IPO11: variants seen among roughly 807,000 people sequenced by gnomAD.
IPO11 encodes the protein importin-11.
A neutral mutation model predicts 143.2 loss-of-function variants in IPO11; 66 were observed. The ratio of observed to expected loss-of-function variants is 0.46; its 90% CI spans 0.38 to 0.57. The LOEUF is 0.57. Ranked by LOEUF, IPO11 falls within the 20% of genes least tolerant of loss-of-function variation. The pLI is 0.00. For missense variants in IPO11, 1,026 were observed against 1,141.0 expected, an observed-to-expected ratio of 0.90 and a Z score of 1.45; for synonymous variants, 385 against 377.8, an observed-to-expected ratio of 1.02 and a Z score of -0.22.
At chr5:62,580,998 A>T in intron 27 of IPO11, 4 of 1,551,284 alleles carry the variant, frequency 2.6e-6, no homozygotes, top group Non-Finnish European at 2.6e-6. Flanking sequence ...GTACACAAGA[A>T]GTTGAGAAGT....
At chr5:62,589,721 C>G (rs1048906684) in intron 27 of IPO11, among the ~76,000 whole-genome samples, 1 of 152,118 alleles carries the variant, frequency 6.6e-6, no homozygotes, top group Admixed American at 6.6e-5. Flanking sequence ...GAGGAGAAGT[C>G]TGTGCCAGAG....
intron 28 of IPO11, among the ~76,000 whole-genome samples, chr5:62,598,270 G>C (rs1042911956): frequency 6.6e-6 from 1 of 151,938 alleles, no homozygotes; most frequent in African/African-American, 2.4e-5. Flanking sequence ...GAGGATAACT[G>C]TACAGATTCA....
chr5:62,442,096 G>A lies in IPO11; in HGVS notation c.139-887G>A, dbSNP rs958969053. On this transcript the variant is annotated intron_variant, in intron 2 of 29. Coordinates refer to ENST00000325324, the MANE Select transcript of IPO11 (RefSeq NM_016338.5). ...CCTGACCTCGTGATTCGCCTGCCTC[G>A]ACCTCCCAAAGTGCTGGGATTACAG... is the stretch of plus-strand genomic sequence containing the variant. 5.3e-5 allele frequency among the ~76,000 whole-genome samples: 8 copies of A among 152,134 alleles called. No homozygotes were observed. In the South Asian group the frequency reaches 1.2e-3, roughly 24 times the overall value.
intron 28 of IPO11, among the ~76,000 whole-genome samples, chr5:62,599,976 A>G (rs1189582660): frequency 6.6e-6 from 1 of 152,188 alleles, no homozygotes; most frequent in Non-Finnish European, 1.5e-5. Context: ...TGGTCAGTGA[A>G]AGAAGTAAAA....
At chr5:62,515,932 C>G (rs770914216) in intron 20 of IPO11, among the ~76,000 whole-genome samples, 15 of 152,170 alleles carry the variant, frequency 9.9e-5, no homozygotes, top group Non-Finnish European at 1.9e-4. Flanking sequence ...TGAATTGGAT[C>G]TCAGACATTT....
intron 12 of IPO11, 113 bp from the exon 13 acceptor site, chr5:62,487,658 G>T (rs1325348199): frequency 2.7e-6 from 3 of 1,106,122 alleles, no homozygotes; most frequent in Non-Finnish European, 3.5e-6. Flanking sequence ...ATCAAAAGTT[G>T]GAAACATTTT....
At chr5:62,498,854 A>C (rs1741244488) in intron 16 of IPO11, among the ~76,000 whole-genome samples, 1 of 152,250 alleles carries the variant, frequency 6.6e-6, no homozygotes, top group African/African-American at 2.4e-5. Context: ...TGAGCAACAG[A>C]GCAAGATTTC....
Position 62,516,619 on chromosome 5 carries a change from T to G in IPO11, c.1896+1118T>G, listed in dbSNP as rs181755492. 5.3e-3 allele frequency among the ~76,000 whole-genome samples: 800 copies of G among 152,260 alleles called. 3 individuals are homozygous for G. Among genetic ancestry groups the G allele is most frequent in the Non-Finnish European group, 8.2e-3 (559 of 68,012 alleles). ...CCTCCGTAAATGGTTATGGATGACT[T>G]TTAGTTACAGATTCCTGTTTAAGGC... On this transcript the variant is annotated intron_variant, in intron 20 of 29. Transcript: ENST00000325324.
At chr5:62,456,340 A>G (rs1745154585) in intron 5 of IPO11, among the ~76,000 whole-genome samples, 2 of 152,204 alleles carry the variant, frequency 1.3e-5, no homozygotes, top group African/African-American at 2.4e-5. Flanking sequence ...GCCTTTACAT[A>G]TAAACCTAAA....
At chr5:62,479,244 T>C (rs1194915245) in intron 9 of IPO11, among the ~76,000 whole-genome samples, 1 of 152,204 alleles carries the variant, frequency 6.6e-6, no homozygotes, top group Non-Finnish European at 1.5e-5. Flanking sequence ...GCTTCATCCA[T>C]GTCCCTACAA....
intron 19 of IPO11, among the ~76,000 whole-genome samples, chr5:62,511,384 T>C (rs998297211): frequency 4.6e-5 from 7 of 152,216 alleles, no homozygotes; most frequent in African/African-American, 1.4e-4. Flanking sequence ...ATCTTTGAGA[T>C]AGAACACTTA....
intron 16 of IPO11, among the ~76,000 whole-genome samples, chr5:62,502,624 C>G (rs10069745): frequency 0.59 from 88,952 of 151,972 alleles, 26,325 homozygotes; most frequent in South Asian, 0.69. Flanking sequence ...ACACTGACTT[C>G]CCCTTTTTAG....
At chr5:62,575,282 TG>T (rs1410368711) in intron 27 of IPO11, among the ~76,000 whole-genome samples, 1 of 152,234 alleles carries the variant, frequency 6.6e-6, no homozygotes, top group Admixed American at 6.5e-5. Context: ...TGTTAACTTT[TG>T]TCCCAGTTTG....
chr5:62,609,651 C>T (rs1227472042), intron 29 of IPO11, among the ~76,000 whole-genome samples: 2 of 152,238 alleles, frequency 1.3e-5, no homozygotes, highest in Non-Finnish European at 2.9e-5. Context: ...ATTTTGACAT[C>T]TCTAGTGGAG....
At chr5:62,424,232 C>A (rs889556332) in intron 1 of IPO11, among the ~76,000 whole-genome samples, 2 of 151,778 alleles carry the variant, frequency 1.3e-5, no homozygotes, top group South Asian at 4.2e-4. Flanking sequence ...CTCCGCCTCC[C>A]GGGTTCACGC....
intron 3 of IPO11, among the ~76,000 whole-genome samples, chr5:62,444,623 C>G (rs1323812024): frequency 1.3e-5 from 2 of 151,874 alleles, no homozygotes; most frequent in Non-Finnish European, 2.9e-5. Flanking sequence ...CACCTGTAAT[C>G]CCAGCACTTT....
intron 4 of IPO11, among the ~76,000 whole-genome samples, 173 bp from the exon 5 acceptor site, chr5:62,451,557 T>TCCTA (rs1036816269): frequency 6.6e-6 from 1 of 152,166 alleles, no homozygotes; most frequent in Admixed American, 6.6e-5. Context: ...CCAGAAAGGG[T>TCCTA]CCTAGCTCTA....
rs770685491 is a variant in IPO11 at position 62,515,432 on chromosome 5, T to C, written c.1827T>C (p.Leu609=). The C allele has an allele frequency of 7.4e-6, 12 of 1,611,564 alleles. No individual in the cohort carries two copies. The highest frequency in any genetic ancestry group is 1.0e-5 in the Non-Finnish European group (12 of 1,179,154). The change falls in exon 20 of 30, where the codon CTT becomes CTC. Residue 609 remains leucine (L), a synonymous_variant. Coordinates refer to ENST00000325324, the MANE Select transcript of IPO11 (RefSeq NM_016338.5). ...VGCLVQYLPL[L]WKQSEEHNML... is the part of the protein sequence containing the mutation. The stretch of plus-strand genomic sequence containing the variant: ...GTTTGGTACAATATTTGCCCCTCCT[T>C]TGGAAGCAGAGTGAAGAACACAATA...
rs547711725 is a variant in IPO11, at chr5:62,479,566, C to T, written c.828+2813C>T. 7.2e-5 allele frequency among the ~76,000 whole-genome samples: 11 copies of T among 152,246 alleles called. No individual in the cohort carries two copies. In the East Asian group the frequency reaches 1.2e-3, roughly 16 times the overall value. ...TACAGTCCCACCAACAGTGTAAAAG[C>T]ATTCCTATTTCTCCACATCCTCTCC... On this transcript the variant is annotated intron_variant, in intron 9 of 29. Transcript: ENST00000325324.
Sources: gnomAD v4.1 joint callset for allele counts (sites outside exome capture counted in the v4.1 genomes callset) on GRCh38, gnomAD v4.1.1 for gene constraint, MANE v1.5 for transcripts, NCBI Gene and HGNC (gene_info 2026-07-23, HGNC 2026-07-21) for gene names.